MAML3: variants seen among roughly 807,000 people sequenced by gnomAD.
MAML3 encodes mastermind like transcriptional coactivator 3.
A neutral mutation model predicts 101.9 loss-of-function variants in MAML3; 27 were observed. The observed-to-expected ratio is 0.27, with a 90% CI of 0.20 to 0.37. The LOEUF (loss-of-function observed/expected upper bound fraction) is 0.37, where lower values mean the gene tolerates loss of function less well. Ranked by LOEUF, MAML3 falls within the 10% of genes least tolerant of loss-of-function variation. The pLI, the probability that MAML3 is intolerant of heterozygous loss-of-function variation, is 1.00. For missense variants in MAML3, 1,316 were observed against 1,444.9 expected, an observed-to-expected ratio of 0.91 and a Z score of 1.45; for synonymous variants, 501 against 555.9, an observed-to-expected ratio of 0.90 and a Z score of 1.39.
intron 2 of MAML3, among the ~76,000 whole-genome samples, chr4:139,814,291 C>G (rs1270471031): frequency 6.6e-6 from 1 of 152,124 alleles, no homozygotes; most frequent in Non-Finnish European, 1.5e-5. Context: ...CTTTGGAGAG[C>G]AGAAATCAGG....
intron 2 of MAML3, among the ~76,000 whole-genome samples, chr4:139,789,296 G>A (rs1324367307): frequency 1.3e-5 from 2 of 152,178 alleles, no homozygotes; most frequent in East Asian, 3.9e-4. Context: ...GTGTTCCACG[G>A]AAACACTGGG....
At chr4:139,832,094 C>CTTTTTTTTTTTTTTTTTTTTTTTTTT (rs70943444) in intron 2 of MAML3, among the ~76,000 whole-genome samples, 2 of 64,702 alleles carry the variant, frequency 3.1e-5, no homozygotes, top group Non-Finnish European at 6.7e-5. Context: ...TGCCCAGCCC[C>CTTTTTTTTTTTTTTTTTTTTTTTTTT]TTTTTTTTTT....
rs564702888 is a variant in MAML3 at position 139,717,070 on chromosome 4, A to G, written c.*2253T>C. 2 of 151,864 alleles carry G rather than the reference A, an allele frequency of 1.3e-5. No individual in the cohort carries two copies. The highest frequency in any genetic ancestry group is 2.9e-5 in the Non-Finnish European group (2 of 68,022). 9.4% of individuals were successfully genotyped at this position (151,864 alleles called of 1,614,324 possible). A position where few individuals can be genotyped will look rare whatever the true frequency, so the allele number is the denominator to read the frequency against. On this transcript the variant is annotated 3_prime_UTR_variant, in exon 5 of 5. Transcript: ENST00000509479. The stretch of plus-strand genomic sequence containing the variant: ...ATATTTATATGTATATTTTTTACAG[A>G]TAGTAGACCCAGTGATATCTGCAGT...
At chr4:139,722,457 T>C (rs2110962392) in intron 4 of MAML3, among the ~76,000 whole-genome samples, 1 of 152,358 alleles carries the variant, frequency 6.6e-6, no homozygotes, top group Non-Finnish European at 1.5e-5. Context: ...CAACAGATTA[T>C]GTTTTCTTTT....
chr4:140,001,337 T>C (rs1005214917), intron 1 of MAML3, among the ~76,000 whole-genome samples: 10 of 152,244 alleles, frequency 6.6e-5, no homozygotes, highest in Non-Finnish European at 1.2e-4. Context: ...CCATATATCC[T>C]GATAACTGTT....
At chr4:140,040,613 A>T (rs1003640851) in intron 1 of MAML3, among the ~76,000 whole-genome samples, 2 of 152,228 alleles carry the variant, frequency 1.3e-5, no homozygotes, top group Non-Finnish European at 2.9e-5. Context: ...TCAAAAAATC[A>T]ACAATACAGG....
At chr4:140,024,776 G>A (rs536169499) in intron 1 of MAML3, among the ~76,000 whole-genome samples, 1 of 152,312 alleles carries the variant, frequency 6.6e-6, no homozygotes, top group African/African-American at 2.4e-5. Flanking sequence ...AAAGGAGAAA[G>A]GCCTGACTTA....
chr4:140,104,559 A>G (rs1166983975), intron 1 of MAML3, among the ~76,000 whole-genome samples: 9 of 142,078 alleles, frequency 6.3e-5, no homozygotes, highest in Non-Finnish European at 1.4e-4. Context: ...TGCAACCTCC[A>G]CCTCCTGGGC....
Position 140,081,575 on chromosome 4 carries a change from A to G in MAML3, c.468+71285T>C, listed in dbSNP as rs73857925. 2.5e-3 allele frequency among the ~76,000 whole-genome samples: 388 copies of G among 152,362 alleles called. 2 individuals carry two copies. Among genetic ancestry groups the G allele is most frequent in the African/African-American group, 8.7e-3 (361 of 41,584 alleles). Reference sequence around the variant, plus strand: ...GAGAGCACTGGGATTGGCTGAGCTAAGGGAGAAATAGATGAGGGAGGAATA... The same window carrying G: ...GAGAGCACTGGGATTGGCTGAGCTAGGGGAGAAATAGATGAGGGAGGAATA... On this transcript the variant is annotated intron_variant, in intron 1 of 4. Transcript: ENST00000509479.
intron 2 of MAML3, among the ~76,000 whole-genome samples, chr4:139,834,875 G>A (rs1731231573): frequency 1.3e-5 from 2 of 152,304 alleles, no homozygotes; most frequent in Middle Eastern, 3.4e-3. Context: ...GTTAGAGAGA[G>A]GGTATGAACC....
chr4:140,112,058 T>G (rs1257052743), intron 1 of MAML3, among the ~76,000 whole-genome samples: 2 of 152,206 alleles, frequency 1.3e-5, no homozygotes, highest in Non-Finnish European at 2.9e-5. Context: ...TGCTATGTCC[T>G]TTTTTATACT....
chr4:139,728,806 G>T (rs1490642872), intron 3 of MAML3, among the ~76,000 whole-genome samples: 1 of 152,164 alleles, frequency 6.6e-6, no homozygotes, highest in African/African-American at 2.4e-5. Context: ...GTGCTCCCCA[G>T]GGTCGGGCTG....
intron 2 of MAML3, among the ~76,000 whole-genome samples, chr4:139,884,405 C>T (rs999491213): frequency 3.9e-5 from 6 of 152,136 alleles, no homozygotes; most frequent in African/African-American, 1.4e-4. Flanking sequence ...ATGTAGAAAA[C>T]ATACGTGTAA....
intron 1 of MAML3, among the ~76,000 whole-genome samples, chr4:140,091,102 T>C (rs1472684993): frequency 1.3e-5 from 2 of 151,866 alleles, no homozygotes; most frequent in African/African-American, 2.4e-5. Context: ...GAGAAAGAAA[T>C]TGGACAGAGG....
intron 1 of MAML3, among the ~76,000 whole-genome samples, chr4:140,110,547 C>T (rs1578689718): frequency 6.6e-6 from 1 of 152,172 alleles, no homozygotes; most frequent in East Asian, 1.9e-4. Flanking sequence ...CTCATTCATG[C>T]AGTATTAAAA....
At chr4:139,729,962 A>G (rs1728634588) in intron 3 of MAML3, among the ~76,000 whole-genome samples, 1 of 152,170 alleles carries the variant, frequency 6.6e-6, no homozygotes, top group African/African-American at 2.4e-5. Context: ...TCCATTGTTC[A>G]TTACCCATTC....
At chr4:140,145,870 T>C (rs950678850) in intron 1 of MAML3, among the ~76,000 whole-genome samples, 2 of 49,156 alleles carry the variant, frequency 4.1e-5, no homozygotes, top group African/African-American at 6.2e-5. Flanking sequence ...GCCTTTTTTT[T>C]CTTTTTTCTT....
rs755064403 is a variant in MAML3, at chr4:139,890,930, C to T, written c.506G>A (p.Arg169Gln). The T allele has an allele frequency of 1.6e-5, 26 of 1,613,050 alleles. No homozygotes were observed. Among genetic ancestry groups the T allele is most frequent in the African/African-American group, 4.0e-5 (3 of 74,922 alleles). ...CTGCTGGTCTCCATTAAGTGGTGATCGAGCTCCTTCCAACTTCCTTTTCAC... is the reference window on the plus strand; with the variant it reads ...CTGCTGGTCTCCATTAAGTGGTGATTGAGCTCCTTCCAACTTCCTTTTCAC... ...ETVKRKLEGA[R>Q]SPLNGDQQNG... Residue 169 changes from arginine to glutamine, a missense_variant, in exon 2 of 5, where the codon CGA (arginine) becomes CAA (glutamine). Transcript: ENST00000509479. This position sits in a 1 kb window ranked among gnomAD's most constrained non-coding sequence, Gnocchi z 4.1.
chr4:139,743,980 G>A (rs1231668225), intron 2 of MAML3, among the ~76,000 whole-genome samples: 1 of 152,170 alleles, frequency 6.6e-6, no homozygotes. Flanking sequence ...GTCCTGCCAT[G>A]GTCATTGTCA....
Sources: allele counts gnomAD v4.1 joint callset (sites outside exome capture counted in the v4.1 genomes callset), GRCh38; gene constraint gnomAD v4.1.1; non-coding constraint Gnocchi (gnomAD v3.1); transcripts MANE v1.5; gene names NCBI Gene and HGNC (gene_info 2026-07-23, HGNC 2026-07-21).